The following CNTNAP4 variants were observed in gnomAD, a reference collection of about 807,000 sequenced individuals.
CNTNAP4 encodes the protein contactin associated protein family member 4.
Under a neutral mutation model 148.4 loss-of-function variants are expected in CNTNAP4, and 98 were observed. That is an observed-to-expected ratio of 0.66 (90% CI 0.56 to 0.78). CNTNAP4 has a LOEUF of 0.78. Among genes scored for constraint, CNTNAP4 ranks in the 30% least tolerant of loss-of-function variants. CNTNAP4 has a pLI of 0.00. For synonymous variants in CNTNAP4, 730 were observed against 565.1 expected (o/e 1.29, Z -4.14); for missense variants, 1,935 against 1,565.6 (o/e 1.24, Z -3.98).
At chr16:76,506,745 A>G (rs548368694) in intron 15 of CNTNAP4, among the ~76,000 whole-genome samples, 2 of 94,874 alleles carry the variant, frequency 2.1e-5, no homozygotes, top group Admixed American at 2.1e-4. Context: ...TGCTAGGACT[A>G]CAGGCATGAG....
chr16:76,480,000 C>T (rs767346213), intron 12 of CNTNAP4, among the ~76,000 whole-genome samples: 12 of 152,070 alleles, frequency 7.9e-5, no homozygotes, highest in Non-Finnish European at 1.5e-4. Context: ...AAGGAAGTTA[C>T]CTTGTTTCGA....
At chr16:76,528,309 G>A (rs906980056) in intron 17 of CNTNAP4, among the ~76,000 whole-genome samples, 3 of 152,250 alleles carry the variant, frequency 2.0e-5, no homozygotes, top group Admixed American at 2.0e-4. Flanking sequence ...CACCCAGACT[G>A]GAGTACAGTG....
chr16:76,455,532 G>A (rs2080694283), intron 8 of CNTNAP4, among the ~76,000 whole-genome samples: 1 of 152,186 alleles, frequency 6.6e-6, no homozygotes, highest in East Asian at 1.9e-4. Context: ...CTTTCGGGCT[G>A]TAAACCTGTC....
chr16:76,303,863 C>T (rs1407189103), intron 1 of CNTNAP4, among the ~76,000 whole-genome samples: 8 of 151,024 alleles, frequency 5.3e-5, no homozygotes, highest in Non-Finnish European at 1.0e-4. Flanking sequence ...GTAAAATCCC[C>T]TTTTTTTTTA....
At chr16:76,479,352 T>C (rs1318058576) in intron 11 of CNTNAP4, 67 bp from the exon 12 acceptor site, 13 of 1,387,868 alleles carry the variant, frequency 9.4e-6, no homozygotes, top group Admixed American at 2.3e-5. Flanking sequence ...CGGTATTTCA[T>C]GTCCAAATTA....
In CNTNAP4 at chr16:76,522,249, T is replaced by A; in HGVS notation, c.2747T>A (p.Leu916His). 6.2e-7 allele frequency: 1 copy of A among 1,613,696 alleles called. No homozygotes were observed. The highest frequency in any genetic ancestry group is 8.5e-7 in the Non-Finnish European group (1 of 1,179,770). ...GHVLLQLNSQ[L>H]FVGGTATRQR... ...GTCCTGTTACAGCTCAACAGTCAGCTCTTCGTGGGTAAGTTCTCTTTTTAA... is the reference window on the plus strand; with the variant it reads ...GTCCTGTTACAGCTCAACAGTCAGCACTTCGTGGGTAAGTTCTCTTTTTAA... The change falls in exon 17 of 24, where the codon CTC becomes CAC. Residue 916 changes from leucine (L) to histidine (H), a missense_variant. Coordinates refer to ENST00000611870, the MANE Select transcript of CNTNAP4 (RefSeq NM_033401.5).
At chr16:76,399,354 A>G (rs1281355595) in intron 3 of CNTNAP4, among the ~76,000 whole-genome samples, 1 of 152,222 alleles carries the variant, frequency 6.6e-6, no homozygotes, top group Non-Finnish European at 1.5e-5. Flanking sequence ...GTGAAAAGTA[A>G]TTCACATGAG....
At chr16:76,553,793 C>T (rs140963066) in intron 22 of CNTNAP4, 43 bp from the exon 23 acceptor site, 1 of 1,271,854 alleles carries the variant, frequency 7.9e-7, no homozygotes, top group South Asian at 1.3e-5. Flanking sequence ...TCTTCTTTTA[C>T]TTGCCTATAT....
intron 15 of CNTNAP4, among the ~76,000 whole-genome samples, chr16:76,518,355 T>G (rs1339328164): frequency 6.6e-6 from 1 of 152,120 alleles, no homozygotes; most frequent in African/African-American, 2.4e-5. Context: ...CTCGAACTCC[T>G]GACCTCAAGT....
intron 21 of CNTNAP4, among the ~76,000 whole-genome samples, chr16:76,551,472 T>C (rs180734489): frequency 2.0e-5 from 3 of 151,276 alleles, no homozygotes; most frequent in Admixed American, 2.0e-4. Context: ...CAAGCAAAGA[T>C]GATTTAAAAA....
chr16:76,492,398 C>T lies in CNTNAP4; in HGVS notation c.2081-2512C>T, dbSNP rs572190608. Among the ~76,000 whole-genome samples the T allele has an allele frequency of 1.1e-4, 17 of 152,016 alleles. No individual in the cohort carries two copies. The South Asian group carries it at 1.3e-3, about 11-fold the overall frequency. On this transcript the variant is annotated intron_variant, in intron 13 of 23. Coordinates refer to ENST00000611870, the MANE Select transcript of CNTNAP4 (RefSeq NM_033401.5). ...CAATTTTTATTTGTCAATTTTACTG[C>T]GAAGCTGAAAAATAAAATGTAAGAA... is the stretch of plus-strand genomic sequence containing the variant.
intron 3 of CNTNAP4, among the ~76,000 whole-genome samples, chr16:76,376,710 A>T (rs2015450524): frequency 6.6e-6 from 1 of 152,120 alleles, no homozygotes; most frequent in South Asian, 2.1e-4. Flanking sequence ...GACATTTAGG[A>T]CCCAGGGTTG....
chr16:76,410,385 C>T (rs541461218), intron 3 of CNTNAP4, among the ~76,000 whole-genome samples: 3 of 151,744 alleles, frequency 2.0e-5, no homozygotes, highest in Admixed American at 6.6e-5. Flanking sequence ...TTAAAGCCTT[C>T]AAGCTTTCTC....
At chr16:76,294,956 G>A (rs1474884206) in intron 1 of CNTNAP4, among the ~76,000 whole-genome samples, 2 of 152,140 alleles carry the variant, frequency 1.3e-5, no homozygotes, top group Non-Finnish European at 2.9e-5. Context: ...AAGACAAAAT[G>A]TATTGTATTG....
intron 1 of CNTNAP4, among the ~76,000 whole-genome samples, chr16:76,287,028 T>G (rs1356037920): frequency 6.6e-6 from 1 of 152,202 alleles, no homozygotes; most frequent in African/African-American, 2.4e-5. Flanking sequence ...ACATGACAAC[T>G]GTGTCACAAT....
rs1362514168 is a variant in CNTNAP4 at position 76,540,784 on chromosome 16, A to G, written c.3436A>G (p.Ile1146Val). The G allele has an allele frequency of 1.3e-6, 2 of 1,561,702 alleles. No individual in the cohort carries two copies. Among genetic ancestry groups the G allele is most frequent in the South Asian group, 2.4e-5 (2 of 84,652 alleles). ...SAVKSLVLGR[I>V]LEHSDVDQDT... ...AGTCAAATCTCTGGTATTGGGCAGG[A>G]TTTTAGGTAAGTGAAAGAAACAACC... The change falls in exon 21 of 24, where the codon ATT becomes GTT. Residue 1146 changes from isoleucine (I) to valine (V), a missense_variant. Ile to Val is a conservative substitution (Grantham distance 29, BLOSUM62 3). Transcript: ENST00000611870.
chr16:76,327,965 C>G (rs1410638210), intron 2 of CNTNAP4, among the ~76,000 whole-genome samples: 1 of 152,166 alleles, frequency 6.6e-6, no homozygotes, highest in Non-Finnish European at 1.5e-5. Flanking sequence ...GGGGTCACTT[C>G]TTCAATGTGA....
chr16:76,348,179 A>C (rs982260526), intron 2 of CNTNAP4, among the ~76,000 whole-genome samples: 1 of 151,564 alleles, frequency 6.6e-6, no homozygotes, highest in Non-Finnish European at 1.5e-5. Context: ...AAAGGGGTCA[A>C]GCGTGACTCT....
At chr16:76,493,262 CAT>C (rs2082289032) in intron 13 of CNTNAP4, among the ~76,000 whole-genome samples, 1 of 151,940 alleles carries the variant, frequency 6.6e-6, no homozygotes, top group Non-Finnish European at 1.5e-5. Context: ...ATAATGATGC[CAT>C]ATGTGAATGA....
Sources: allele counts gnomAD v4.1 joint callset (sites outside exome capture counted in the v4.1 genomes callset), GRCh38; gene constraint gnomAD v4.1.1; transcripts MANE v1.5; gene names NCBI Gene and HGNC (gene_info 2026-07-23, HGNC 2026-07-21).